The following CHSY3 variants were observed in gnomAD, a reference collection of about 807,000 sequenced individuals.
CHSY3 encodes the protein N-acetylgalactosaminyl-proteoglycan 3-beta-glucuronosyltransferase 3.
In CHSY3, 35 loss-of-function variants were observed where a neutral mutation model predicts 67.2. The observed-to-expected ratio is 0.52, with a 90% CI of 0.40 to 0.69. The LOEUF (loss-of-function observed/expected upper bound fraction) is 0.69, where lower values mean the gene tolerates loss of function less well. Among genes scored for constraint, CHSY3 ranks in the 30% least tolerant of loss-of-function variants. The probability of loss-of-function intolerance (pLI) is 0.00; values close to 1 mark genes in which losing one functional copy is unlikely to be tolerated. For missense variants in CHSY3, 1,069 were observed against 1,138.5 expected (o/e 0.94, Z 0.88); for synonymous variants, 474 against 434.7 (o/e 1.09, Z -1.12).
At chr5:130,156,263 A>C (rs1479584196) in intron 2 of CHSY3, among the ~76,000 whole-genome samples, 1 of 152,214 alleles carries the variant, frequency 6.6e-6, no homozygotes, top group Admixed American at 6.5e-5. Flanking sequence ...AAATAGAATG[A>C]GAGAGGAGTA....
chr5:129,946,793 G>A (rs960924207), intron 2 of CHSY3, among the ~76,000 whole-genome samples: 4 of 152,058 alleles, frequency 2.6e-5, no homozygotes, highest in African/African-American at 9.7e-5. Context: ...ACATTTCATT[G>A]TATATACTTG....
At chr5:129,978,761 A>G (rs1228301300) in intron 2 of CHSY3, among the ~76,000 whole-genome samples, 1 of 152,160 alleles carries the variant, frequency 6.6e-6, no homozygotes, top group Non-Finnish European at 1.5e-5. Context: ...TAAATATATA[A>G]AAGTATTTTA....
chr5:130,170,407 T>C (rs984136924), intron 2 of CHSY3, among the ~76,000 whole-genome samples: 4 of 152,178 alleles, frequency 2.6e-5, no homozygotes, highest in Admixed American at 6.6e-5. Flanking sequence ...TTAGGTTGAT[T>C]CCATGACTTT....
At chr5:130,126,800 A>G (rs1768307016) in intron 2 of CHSY3, among the ~76,000 whole-genome samples, 1 of 152,210 alleles carries the variant, frequency 6.6e-6, no homozygotes, top group African/African-American at 2.4e-5. Flanking sequence ...AGGCGCCTCT[A>G]TAATTATCCA....
intron 2 of CHSY3, among the ~76,000 whole-genome samples, chr5:130,162,948 C>G (rs947962150): frequency 1.3e-5 from 2 of 152,116 alleles, no homozygotes; most frequent in Non-Finnish European, 2.9e-5. Context: ...GCAATTACCT[C>G]CAAGTTTATT....
chr5:129,920,511 TG>T (rs1166879543), intron 2 of CHSY3, among the ~76,000 whole-genome samples: 1 of 152,204 alleles, frequency 6.6e-6, no homozygotes, highest in Non-Finnish European at 1.5e-5. Context: ...CTCAAAGTGC[TG>T]GGATTACAGG....
intron 2 of CHSY3, among the ~76,000 whole-genome samples, chr5:130,133,372 A>C (rs927584972): frequency 5.3e-5 from 8 of 152,172 alleles, no homozygotes; most frequent in Non-Finnish European, 1.0e-4. Flanking sequence ...TGTGGGATGC[A>C]TAATTTATAC....
chr5:130,035,771 G>A (rs1047349737), intron 2 of CHSY3, among the ~76,000 whole-genome samples: 5 of 151,870 alleles, frequency 3.3e-5, no homozygotes, highest in South Asian at 2.1e-4. Context: ...GACAAGATCA[G>A]TGCAGGTAAG....
At chr5:129,952,517 TTA>T (rs1486676563) in intron 2 of CHSY3, among the ~76,000 whole-genome samples, 1 of 152,222 alleles carries the variant, frequency 6.6e-6, no homozygotes, top group Non-Finnish European at 1.5e-5. Context: ...TGTTTTCACC[TTA>T]TGTTTTAAAA....
intron 2 of CHSY3, among the ~76,000 whole-genome samples, chr5:130,084,232 G>A (rs1294748400): frequency 6.6e-6 from 1 of 151,728 alleles, no homozygotes; most frequent in Admixed American, 6.6e-5. Context: ...TCAACAAGTG[G>A]GAATTTCTAA....
At chr5:130,008,081 T>G (rs1490989435) in intron 2 of CHSY3, among the ~76,000 whole-genome samples, 1 of 152,186 alleles carries the variant, frequency 6.6e-6, no homozygotes, top group Admixed American at 6.5e-5. Context: ...CCCACCAGTT[T>G]GCCAGCATTT....
chr5:129,981,867 G>T (rs1762994476), intron 2 of CHSY3, among the ~76,000 whole-genome samples: 1 of 152,214 alleles, frequency 6.6e-6, no homozygotes, highest in South Asian at 2.1e-4. Context: ...AGTACAGTAA[G>T]TCCCCCCCTT....
At chr5:130,094,195 C>A (rs1279523862) in intron 2 of CHSY3, among the ~76,000 whole-genome samples, 2 of 152,062 alleles carry the variant, frequency 1.3e-5, no homozygotes, top group African/African-American at 4.8e-5. Context: ...CTGGTATTTT[C>A]ATTCCTTTTC....
At chr5:130,148,103 A>T (rs761620073) in intron 2 of CHSY3, among the ~76,000 whole-genome samples, 2 of 151,998 alleles carry the variant, frequency 1.3e-5, no homozygotes, top group African/African-American at 2.4e-5. Context: ...ACGTACGTAC[A>T]TGTGTTCTCA....
intron 2 of CHSY3, among the ~76,000 whole-genome samples, chr5:130,160,732 T>C (rs1007187355): frequency 1.3e-5 from 2 of 152,124 alleles, no homozygotes; most frequent in African/African-American, 4.8e-5. Flanking sequence ...AGTTCTAATT[T>C]AGATGGTGTT....
intron 2 of CHSY3, among the ~76,000 whole-genome samples, chr5:130,109,153 C>T (rs1441287848): frequency 6.6e-6 from 1 of 151,646 alleles, no homozygotes; most frequent in African/African-American, 2.4e-5. Context: ...GATAAAGGTC[C>T]AAGAAACTTT....
At chr5:129,999,396 C>T (rs770358595) in intron 2 of CHSY3, among the ~76,000 whole-genome samples, 59 of 151,944 alleles carry the variant, frequency 3.9e-4, no homozygotes, top group Non-Finnish European at 4.7e-4. Context: ...AAAAACTTTC[C>T]ATCATATACT....
chr5:129,904,219 G>C (rs372267671), upstream of CHSY3, among the ~76,000 whole-genome samples: 3 of 151,982 alleles, frequency 2.0e-5, no homozygotes, highest in South Asian at 2.1e-4. Flanking sequence ...GCTGCAAGCC[G>C]GAGGCGGCCC....
intron 2 of CHSY3, among the ~76,000 whole-genome samples, chr5:130,174,203 G>A (rs1769977092): frequency 6.6e-6 from 1 of 151,200 alleles, no homozygotes; most frequent in South Asian, 2.1e-4. Flanking sequence ...TTCACTTCCT[G>A]GTAAAGGAAT....
Sources: gnomAD v4.1 joint callset for allele counts (sites outside exome capture counted in the v4.1 genomes callset) on GRCh38, gnomAD v4.1.1 for gene constraint, MANE v1.5 for transcripts, NCBI Gene and HGNC (gene_info 2026-07-23, HGNC 2026-07-21) for gene names.